The following ZMYND8 variants were observed in gnomAD, a reference collection of about 807,000 sequenced individuals.
ZMYND8 encodes zinc finger MYND-type containing 8, also known as MYND-type zinc finger-containing chromatin reader ZMYND8.
In ZMYND8, 37 loss-of-function variants were observed where a neutral mutation model predicts 140.8. The observed-to-expected ratio is 0.26, with a 90% confidence interval of 0.20 to 0.35. The LOEUF (loss-of-function observed/expected upper bound fraction) is 0.35. Among genes scored for constraint, ZMYND8 ranks in the 10% least tolerant of loss-of-function variants. The pLI, the probability that ZMYND8 is intolerant of heterozygous loss-of-function variation, is 1.00. For synonymous variants in ZMYND8, 592 were observed against 597.1 expected, an observed-to-expected ratio of 0.99 and a Z score of 0.12; for missense variants, 1,068 against 1,570.0, an observed-to-expected ratio of 0.68 and a Z score of 5.40.
At chr20:47,265,507 C>A (rs1335057996) in intron 11 of ZMYND8, among the ~76,000 whole-genome samples, 1 of 152,224 alleles carries the variant, frequency 6.6e-6, no homozygotes, top group African/African-American at 2.4e-5. Flanking sequence ...GTGGGGTGAT[C>A]TCAGCTCACT....
chr20:47,244,592 T>C (rs1242074165), intron 14 of ZMYND8, among the ~76,000 whole-genome samples: 1 of 152,186 alleles, frequency 6.6e-6, no homozygotes, highest in African/African-American at 2.4e-5. Flanking sequence ...CAATATTTGA[T>C]TGCCACATTT....
chr20:47,219,775 G>A (rs551936158), intron 21 of ZMYND8, among the ~76,000 whole-genome samples: 1 of 152,230 alleles, frequency 6.6e-6, no homozygotes, highest in South Asian at 2.1e-4. Flanking sequence ...TGCCTGCCAG[G>A]TTATTCTCCA....
intron 2 of ZMYND8, among the ~76,000 whole-genome samples, chr20:47,340,695 G>C (rs1413181683): frequency 6.6e-6 from 1 of 152,058 alleles, no homozygotes; most frequent in Non-Finnish European, 1.5e-5. Context: ...GCTGAGGCAG[G>C]AGAATCACTT....
At chr20:47,346,346 G>C (rs1001746746) in intron 2 of ZMYND8, among the ~76,000 whole-genome samples, 7 of 152,170 alleles carry the variant, frequency 4.6e-5, no homozygotes, top group Non-Finnish European at 8.8e-5. Flanking sequence ...TGGTGGCTCA[G>C]CTCTCTTCAC....
At chr20:47,356,628 A>T in intron 1 of ZMYND8, 29 bp downstream of exon 1, 10 of 1,613,648 alleles carry the variant, frequency 6.2e-6, no homozygotes, top group Non-Finnish European at 8.5e-6. Context: ...AGGGAGGGGG[A>T]AAAAAGATGG....
rs369615060 is a variant in ZMYND8 at position 47,281,172 on chromosome 20, T to A, written c.998+930A>T. 3.9e-5 allele frequency among the ~76,000 whole-genome samples: 6 copies of A among 152,322 alleles called. No individual in the cohort carries two copies. In the South Asian group the frequency reaches 1.2e-3, roughly 32 times the overall value. ...ATACTTCCTACCAAATCCAGCACCATCTCAATAATTTCCATTTTGTCTTCT... is the reference window on the plus strand; with the variant it reads ...ATACTTCCTACCAAATCCAGCACCAACTCAATAATTTCCATTTTGTCTTCT... On this transcript the variant is annotated intron_variant, in intron 10 of 22. Coordinates refer to ENST00000471951, the MANE Select transcript of ZMYND8 (RefSeq NM_001281775.3).
chr20:47,212,790 T>C, intron 21 of ZMYND8, 65 bp from the exon 22 acceptor site: 1 of 1,439,766 alleles, frequency 6.9e-7, no homozygotes, highest in African/African-American at 1.4e-5. Flanking sequence ...CAACCCCAAG[T>C]GCTTACTATT....
chr20:47,334,087 T>G (rs1209982173), intron 2 of ZMYND8, among the ~76,000 whole-genome samples: 1 of 152,162 alleles, frequency 6.6e-6, no homozygotes, highest in Non-Finnish European at 1.5e-5. Context: ...GCGAAGCCTA[T>G]TGTATAATAG....
chr20:47,276,289 C>T (rs1247352137), intron 11 of ZMYND8, 25 bp downstream of exon 11: 1 of 1,502,724 alleles, frequency 6.7e-7, no homozygotes, highest in African/African-American at 1.4e-5. Flanking sequence ...GGGGCCTCCT[C>T]CCCGCTCCCC....
chr20:47,252,588 G>A (rs951362071), intron 12 of ZMYND8, among the ~76,000 whole-genome samples: 4 of 152,118 alleles, frequency 2.6e-5, no homozygotes, highest in African/African-American at 7.2e-5. Context: ...CACAGTTAAC[G>A]AAAAAATTTA....
intron 11 of ZMYND8, among the ~76,000 whole-genome samples, chr20:47,264,688 T>C (rs1349965401): frequency 6.6e-6 from 1 of 152,210 alleles, no homozygotes; most frequent in African/African-American, 2.4e-5. Flanking sequence ...ATATTATTAC[T>C]AGTCCTATCA....
intron 2 of ZMYND8, among the ~76,000 whole-genome samples, chr20:47,329,257 G>C (rs1337490981): frequency 6.6e-6 from 1 of 152,172 alleles, no homozygotes; most frequent in Admixed American, 6.5e-5. Flanking sequence ...GGAACAGTGT[G>C]ATCCAATCAA....
chr20:47,241,976 C>A (rs552904932), intron 14 of ZMYND8, among the ~76,000 whole-genome samples: 2 of 152,066 alleles, frequency 1.3e-5, no homozygotes, highest in Non-Finnish European at 2.9e-5. Context: ...CGCCACCATG[C>A]CCAGCTCATT....
At chr20:47,250,066 T>A (rs558582771) in intron 12 of ZMYND8, among the ~76,000 whole-genome samples, 3 of 152,120 alleles carry the variant, frequency 2.0e-5, no homozygotes, top group Non-Finnish European at 4.4e-5. Flanking sequence ...GGGAACAGAT[T>A]AGCCCTGGAT....
intron 7 of ZMYND8, among the ~76,000 whole-genome samples, chr20:47,289,282 G>C (rs1438869820): frequency 6.6e-6 from 1 of 152,082 alleles, no homozygotes; most frequent in African/African-American, 2.4e-5. Context: ...TCAAGAACAG[G>C]TAAAATTTAA....
At chr20:47,221,153 G>A (rs112761377) in intron 20 of ZMYND8, among the ~76,000 whole-genome samples, 161 bp downstream of exon 20, 80 of 152,192 alleles carry the variant, frequency 5.3e-4, no homozygotes, top group African/African-American at 1.7e-3. Flanking sequence ...CACACACGCC[G>A]GCCCAGGCTC....
At chr20:47,218,480 AT>A (rs926718892) in intron 21 of ZMYND8, among the ~76,000 whole-genome samples, 26 of 152,178 alleles carry the variant, frequency 1.7e-4, no homozygotes, top group Non-Finnish European at 2.4e-4. Context: ...CTAAACTTTT[AT>A]TGTTAACCAA....
intron 18 of ZMYND8, among the ~76,000 whole-genome samples, chr20:47,225,228 C>A (rs778417865): frequency 1.2e-4 from 18 of 151,978 alleles, no homozygotes; most frequent in Admixed American, 6.6e-4. Flanking sequence ...CAGTTAAGTC[C>A]ACTGGTAATT....
chr20:47,329,365 C>T lies in ZMYND8; in HGVS notation c.85+18491G>A, dbSNP rs12481663. On this transcript the variant is annotated intron_variant, in intron 2 of 22. Transcript: ENST00000471951. ...ACCTGTGGCTGTCAGACACTTGACA[C>T]GTGGCCAGGGCAGCTGAGGAATGAA... 8.5e-4 allele frequency among the ~76,000 whole-genome samples: 130 copies of T among 152,264 alleles called. 1 individual carries two copies. Among genetic ancestry groups the T allele is most frequent in the Admixed American group, 7.1e-3 (108 of 15,298 alleles).
Sources: gnomAD v4.1 joint callset for allele counts (sites outside exome capture counted in the v4.1 genomes callset) on GRCh38, gnomAD v4.1.1 for gene constraint, MANE v1.5 for transcripts, NCBI Gene and HGNC (gene_info 2026-07-23, HGNC 2026-07-21) for gene names.